KCND2: variants seen among roughly 807,000 people sequenced by gnomAD.
KCND2 encodes the protein potassium voltage-gated channel subfamily D member 2, also known as A-type voltage-gated potassium channel KCND2.
KCND2 carries 16 observed loss-of-function variants against 54.4 expected under a neutral mutation model. The ratio of observed to expected loss-of-function variants is 0.29; its 90% CI spans 0.20 to 0.45. The LOEUF is 0.45. KCND2 is among the 20% of genes least tolerant of loss of function. The probability of loss-of-function intolerance (pLI) is 1.00; values close to 1 mark genes in which losing one functional copy is unlikely to be tolerated. For synonymous variants in KCND2, 317 were observed against 310.7 expected, an observed-to-expected ratio of 1.02 and a Z score of -0.21; for missense variants, 486 against 824.2, an observed-to-expected ratio of 0.59 and a Z score of 5.02.
At chr7:120,719,385 C>T (rs1404709639) in intron 1 of KCND2, among the ~76,000 whole-genome samples, 3 of 152,118 alleles carry the variant, frequency 2.0e-5, no homozygotes, top group African/African-American at 7.2e-5. Flanking sequence ...GCTTTTACAA[C>T]TATAAATAAA....
chr7:120,274,693 C>A lies in KCND2; in HGVS notation c.61C>A (p.Pro21Thr). 6.2e-7 allele frequency: 1 copy of A among 1,614,012 alleles called. No homozygotes were observed. ...AAGGGCAGCGGCTATCGGGTGGATG[C>A]CTGTGGCCTCGGGGCCTATGCCGGC... is the stretch of plus-strand genomic sequence containing the variant. ...FARAAAIGWM[P>T]VASGPMPAPP... is the part of the protein sequence containing the mutation. Residue 21 changes from proline to threonine, a missense_variant, in exon 1 of 6, where the codon CCT becomes ACT. Coordinates refer to ENST00000331113, the MANE Select transcript of KCND2 (RefSeq NM_012281.3).
intron 1 of KCND2, among the ~76,000 whole-genome samples, chr7:120,575,885 A>G (rs1159433012): frequency 6.6e-6 from 1 of 152,146 alleles, no homozygotes; most frequent in Non-Finnish European, 1.5e-5. Context: ...TCATATCTAA[A>G]ATAAATGAGT....
chr7:120,745,672 C>A, intron 4 of KCND2, 108 bp from the exon 5 acceptor site: 1 of 1,138,802 alleles, frequency 8.8e-7, no homozygotes, highest in Non-Finnish European at 1.3e-6. Flanking sequence ...ACCATTGTAT[C>A]AAGTCTAACT....
chr7:120,484,701 GCACACACACACA>G (rs3067134), intron 1 of KCND2, among the ~76,000 whole-genome samples: 12 of 137,636 alleles, frequency 8.7e-5, no homozygotes, highest in African/African-American at 2.5e-4. Flanking sequence ...TATATTACAC[GCACACACACACA>G]CACACACACA....
At chr7:120,318,177 T>G (rs956037440) in intron 1 of KCND2, among the ~76,000 whole-genome samples, 1 of 152,128 alleles carries the variant, frequency 6.6e-6, no homozygotes, top group African/African-American at 2.4e-5. Context: ...GTATCAACAC[T>G]AGAGTTAGAA....
intron 1 of KCND2, among the ~76,000 whole-genome samples, chr7:120,370,316 G>C (rs1462239393): frequency 1.3e-5 from 2 of 151,952 alleles, no homozygotes; most frequent in Admixed American, 1.3e-4. Flanking sequence ...GCAGATCCTG[G>C]AGGGCACAAT....
chr7:120,627,319 A>C (rs1193974300), intron 1 of KCND2, among the ~76,000 whole-genome samples: 1 of 152,230 alleles, frequency 6.6e-6, no homozygotes, highest in Non-Finnish European at 1.5e-5. Flanking sequence ...TGAATATGAG[A>C]ATAAACATAT....
At chr7:120,509,415 C>T (rs1803078942) in intron 1 of KCND2, among the ~76,000 whole-genome samples, 1 of 152,002 alleles carries the variant, frequency 6.6e-6, no homozygotes, top group African/African-American at 2.4e-5. Flanking sequence ...ATCTTCAATA[C>T]ATGTAACACA....
At chr7:120,729,885 C>A (rs1792783593) in intron 1 of KCND2, among the ~76,000 whole-genome samples, 1 of 152,182 alleles carries the variant, frequency 6.6e-6, no homozygotes, top group Admixed American at 6.5e-5. Flanking sequence ...TCTGCAACCT[C>A]TTTTACCTTA....
chr7:120,329,597 G>T (rs114868917), intron 1 of KCND2, among the ~76,000 whole-genome samples: 1 of 152,014 alleles, frequency 6.6e-6, no homozygotes, highest in South Asian at 2.1e-4. Flanking sequence ...TAAAATGAGG[G>T]CTAATATATC....
At chr7:120,448,042 T>C (rs2116211050) in intron 1 of KCND2, among the ~76,000 whole-genome samples, 1 of 152,300 alleles carries the variant, frequency 6.6e-6, no homozygotes, top group East Asian at 1.9e-4. Context: ...AAAAAATTAT[T>C]ATCATAGTTT....
At chr7:120,467,515 A>G (rs1033009512) in intron 1 of KCND2, among the ~76,000 whole-genome samples, 2 of 152,106 alleles carry the variant, frequency 1.3e-5, no homozygotes, top group Non-Finnish European at 2.9e-5. Flanking sequence ...ATAAAGTTTC[A>G]TCAAAACCAT....
rs150173410 is a variant in KCND2 at position 120,643,067 on chromosome 7, G to A, written c.1116-89836G>A. Among the ~76,000 whole-genome samples, 74 of 152,216 alleles carry A rather than the reference G, an allele frequency of 4.9e-4. 2 individuals carry two copies. The East Asian group carries it at 0.014, about 29-fold the overall frequency. ...CAATGTTACTGAGCTTTACACAAGT[G>A]TGAAAAAAAGTTTGCTAATTAAAGG... On this transcript the variant is annotated intron_variant, in intron 1 of 5. Coordinates refer to ENST00000331113, the MANE Select transcript of KCND2 (RefSeq NM_012281.3).
intron 1 of KCND2, among the ~76,000 whole-genome samples, chr7:120,527,868 A>G (rs1791795689): frequency 6.6e-6 from 1 of 152,134 alleles, no homozygotes; most frequent in South Asian, 2.1e-4. Flanking sequence ...ATGTATACAT[A>G]TCTTTGCAAA....
chr7:120,421,039 A>T (rs1801613034), intron 1 of KCND2, among the ~76,000 whole-genome samples: 1 of 152,238 alleles, frequency 6.6e-6, no homozygotes, highest in Admixed American at 6.5e-5. Context: ...ATTTGATCCT[A>T]TCAAAAATAA....
chr7:120,365,717 A>AG (rs1800667019), intron 1 of KCND2, among the ~76,000 whole-genome samples: 1 of 152,150 alleles, frequency 6.6e-6, no homozygotes, highest in African/African-American at 2.4e-5. Context: ...ATAGGAAAGA[A>AG]GGAAACTGAA....
Position 120,637,117 on chromosome 7 carries a change from G to T in KCND2, c.1116-95786G>T, listed in dbSNP as rs140759463. On this transcript the variant is annotated intron_variant, in intron 1 of 5. Coordinates refer to ENST00000331113, the MANE Select transcript of KCND2 (RefSeq NM_012281.3). Reference sequence around the variant, plus strand: ...ACTCTGAGCCAAAGATGAGTAAGAAGTGATGTTCCAAAACACATAGTAAGT... The same window carrying T: ...ACTCTGAGCCAAAGATGAGTAAGAATTGATGTTCCAAAACACATAGTAAGT... Among the ~76,000 whole-genome samples, 960 of 152,214 alleles carry T rather than the reference G, an allele frequency of 6.3e-3. 8 individuals are homozygous for T. The highest frequency in any genetic ancestry group is 0.022 in the African/African-American group (916 of 41,564).
chr7:120,477,640 T>TG (rs1802550325), intron 1 of KCND2, among the ~76,000 whole-genome samples: 1 of 151,502 alleles, frequency 6.6e-6, no homozygotes, highest in Admixed American at 6.6e-5. Context: ...ATTAATTGGA[T>TG]GAAAAAAAAG....
At chr7:120,320,121 T>C (rs550059175) in intron 1 of KCND2, among the ~76,000 whole-genome samples, 5 of 152,176 alleles carry the variant, frequency 3.3e-5, no homozygotes, top group Middle Eastern at 3.4e-3. Flanking sequence ...ATAACAAACA[T>C]TGAAAAAAAT....
Sources: gnomAD v4.1 joint callset for allele counts (sites outside exome capture counted in the v4.1 genomes callset) on GRCh38, gnomAD v4.1.1 for gene constraint, MANE v1.5 for transcripts, NCBI Gene and HGNC (gene_info 2026-07-23, HGNC 2026-07-21) for gene names.